CNKSR1: variants seen among roughly 807,000 people sequenced by gnomAD.
CNKSR1 encodes the protein CNK homolog protein 1.
A neutral mutation model predicts 95.6 loss-of-function variants in CNKSR1; 88 were observed. The ratio of observed to expected loss-of-function variants is 0.92; its 90% CI spans 0.78 to 1.10. The LOEUF is 1.10. Ranked by LOEUF, CNKSR1 falls within the 50% of genes least tolerant of loss-of-function variation. CNKSR1 has a pLI of 0.00. For missense variants in CNKSR1, 836 were observed against 912.0 expected, an observed-to-expected ratio of 0.92 and a Z score of 1.07; for synonymous variants, 355 against 369.7, an observed-to-expected ratio of 0.96 and a Z score of 0.46.
At chr1:26,178,056 C>G (rs1443516665) in intron 1 of CNKSR1, among the ~76,000 whole-genome samples, 4 of 152,174 alleles carry the variant, frequency 2.6e-5, no homozygotes. Flanking sequence ...GTTCCAGGAA[C>G]CGTGCTGGGC....
Position 26,185,023 on chromosome 1 carries a change from C to A in CNKSR1, c.1145C>A (p.Thr382Asn). The A allele has an allele frequency of 6.3e-7, 1 of 1,597,962 alleles. No homozygotes were observed. Among genetic ancestry groups the A allele is most frequent in the East Asian group, 2.2e-5 (1 of 44,698 alleles). Residue 382 changes from threonine (T) to asparagine (N), a missense_variant, in exon 14 of 21, where the codon ACC becomes AAC. Thr to Asn is a moderately conservative substitution (Grantham distance 65). Coordinates refer to ENST00000361530, the MANE Select transcript of CNKSR1 (RefSeq NM_006314.3). ...VGRKKSKGLA[T>N]RLSRRRVSCR... ...TGCTGTGCTGCTACAGGCCTGGCGACCCGGCTGAGCCGCCGGCGGGTGTCA... is the reference window on the plus strand; with the variant it reads ...TGCTGTGCTGCTACAGGCCTGGCGAACCGGCTGAGCCGCCGGCGGGTGTCA...
chr1:26,186,898 C>T (rs1037763007), intron 14 of CNKSR1: 5 of 445,842 alleles, frequency 1.1e-5, no homozygotes, highest in South Asian at 6.6e-5. Flanking sequence ...CCACCATGCC[C>T]GGCCTTCAGG....
At chr1:26,188,529 G>C (rs1366890373) in intron 18 of CNKSR1, 26 bp downstream of exon 18, 2 of 1,605,816 alleles carry the variant, frequency 1.2e-6, no homozygotes, top group African/African-American at 2.7e-5. Flanking sequence ...CCGGGGGTAG[G>C]AGGTGGGGAT....
intron 6 of CNKSR1, 133 bp from the exon 7 acceptor site, chr1:26,183,064 C>A: frequency 1.1e-6 from 1 of 899,368 alleles, no homozygotes; most frequent in Non-Finnish European, 1.9e-6. Context: ...TACAGCAAGT[C>A]TGGGCAGGAC....
chr1:26,189,182 G>C, intron 20 of CNKSR1, 97 bp from the exon 21 acceptor site: 2 of 1,483,868 alleles, frequency 1.3e-6, no homozygotes, highest in East Asian at 2.3e-5. Flanking sequence ...GCCAGGTGCT[G>C]GCTTCCAGGC....
intron 4 of CNKSR1, 70 bp from the exon 5 acceptor site, chr1:26,182,291 C>G: frequency 1.3e-6 from 2 of 1,511,300 alleles, no homozygotes; most frequent in Non-Finnish European, 1.8e-6. Flanking sequence ...CCCACCCTGC[C>G]CCCAGGAGAA....
At chr1:26,181,520 C>A (rs1348312298) in intron 3 of CNKSR1, 1 of 294,482 alleles carries the variant, frequency 3.4e-6, no homozygotes, top group Non-Finnish European at 6.6e-6. Flanking sequence ...ACTCTCCAAG[C>A]TATACTATTA....
At chr1:26,179,776 C>G (rs2088615440) in intron 1 of CNKSR1, among the ~76,000 whole-genome samples, 1 of 152,204 alleles carries the variant, frequency 6.6e-6, no homozygotes, top group Non-Finnish European at 1.5e-5. Context: ...TCCATAGCCT[C>G]TTGTTCTTAT....
chr1:26,182,770 T>G (rs1227612411), intron 6 of CNKSR1, among the ~76,000 whole-genome samples, 186 bp downstream of exon 6: 4 of 152,178 alleles, frequency 2.6e-5, no homozygotes. Flanking sequence ...TCCCCAGTCC[T>G]GAGGGGCCAC....
At chr1:26,188,374 G>T in intron 17 of CNKSR1, 67 bp downstream of exon 17, 1 of 1,609,074 alleles carries the variant, frequency 6.2e-7, no homozygotes, top group Non-Finnish European at 8.5e-7. Context: ...TGGGATGGGG[G>T]CTAGGAACTC....
In CNKSR1 at chr1:26,189,750, A is replaced by C; in HGVS notation, c.*202A>C. 4 of 695,056 alleles carry C rather than the reference A, an allele frequency of 5.8e-6. No homozygotes were observed. Among genetic ancestry groups the C allele is most frequent in the East Asian group, 2.7e-5 (1 of 36,816 alleles). 43.1% of individuals were successfully genotyped at this position (695,056 alleles called of 1,614,324 possible). ...GCCAAAGAAGAAACTCTCCCCCCAA[A>C]TCCTCCAACCTCTGGGGCCACAGCC... On this transcript the variant is annotated 3_prime_UTR_variant, in exon 21 of 21. Transcript: ENST00000361530.
chr1:26,185,836 A>G (rs1225324168), intron 14 of CNKSR1, among the ~76,000 whole-genome samples: 1 of 152,094 alleles, frequency 6.6e-6, no homozygotes, highest in Non-Finnish European at 1.5e-5. Context: ...TGGCCGAAAA[A>G]TCACGTCTAT....
At position 26,189,802 on chromosome 1, in the gene CNKSR1, T is replaced by TC. The variant is rs1557627214; in HGVS notation, c.*259dup. The stretch of plus-strand genomic sequence containing the variant: ...TGCCCCTCCAGTTCCTTGGCAGTTC[T>TC]CCCCCAAACCAGGTCTGTACAGGTG... On this transcript the variant is annotated 3_prime_UTR_variant, in exon 21 of 21. Transcript: ENST00000361530. The TC allele has an allele frequency of 1.4e-6, 1 of 693,076 alleles. No homozygotes were observed. The highest frequency in any genetic ancestry group is 1.8e-5 in the African/African-American group (1 of 57,042). 42.9% of individuals were successfully genotyped at this position (693,076 alleles called of 1,614,324 possible).
At chr1:26,182,196 A>T (rs1409713391) in intron 4 of CNKSR1, 165 bp from the exon 5 acceptor site, 2 of 752,554 alleles carry the variant, frequency 2.7e-6, no homozygotes, top group Non-Finnish European at 4.5e-6. Flanking sequence ...TATCAGGGAA[A>T]CGAGCCCTCT....
At chr1:26,179,679 A>G (rs561977202) in intron 1 of CNKSR1, among the ~76,000 whole-genome samples, 3 of 152,172 alleles carry the variant, frequency 2.0e-5, no homozygotes, top group Non-Finnish European at 4.4e-5. Flanking sequence ...GAAGGTAGGT[A>G]CTTTTATTAT....
Position 26,189,619 on chromosome 1 carries a change from G to A in CNKSR1, c.*71G>A. ...TCAACCCCAGCTTCTGACGTGTCCA[G>A]GACAGAGCATCCCTGGATTCTGTTC... On this transcript the variant is annotated 3_prime_UTR_variant, in exon 21 of 21. Transcript: ENST00000361530. 1 of 828,058 alleles carries A rather than the reference G, an allele frequency of 1.2e-6. No individual in the cohort carries two copies. Among genetic ancestry groups the A allele is most frequent in the Non-Finnish European group, 2.2e-6 (1 of 461,264 alleles). The allele number at this position is 828,058 out of a possible 1,614,324, so 51.3% of individuals were successfully genotyped here. A position where few individuals can be genotyped will look rare whatever the true frequency, so the allele number is the denominator to read the frequency against.
At chr1:26,183,103 C>T (rs914750144) in intron 6 of CNKSR1, 94 bp from the exon 7 acceptor site, 9 of 1,278,922 alleles carry the variant, frequency 7.0e-6, no homozygotes, top group Non-Finnish European at 1.0e-5. Flanking sequence ...TGCCACAGTT[C>T]CACCCACCAT....
In CNKSR1 at chr1:26,185,094, C is replaced by A; in HGVS notation, c.1216C>A (p.Arg406=). The change falls in exon 14 of 21, where the codon CGA becomes AGA. Residue 406 remains arginine, a synonymous_variant. Coordinates refer to ENST00000361530, the MANE Select transcript of CNKSR1 (RefSeq NM_006314.3). ...GGACTGTGACGGCTGGCTCCTGTTG[C>A]GAAAGGCACCGGGCGGCTTCATGGG... ...RPDCDGWLLL[R]KAPGGFMGPR... The A allele has an allele frequency of 6.2e-7, 1 of 1,605,064 alleles. No individual in the cohort carries two copies. The highest frequency in any genetic ancestry group is 8.5e-7 in the Non-Finnish European group (1 of 1,177,590).
At chr1:26,180,410 T>C (rs1569872137) in intron 1 of CNKSR1, 43 bp from the exon 2 acceptor site, 1 of 1,611,976 alleles carries the variant, frequency 6.2e-7, no homozygotes, top group South Asian at 1.1e-5. Context: ...CAAAAGGTCC[T>C]GACACCTCTG....
Sources: allele counts gnomAD v4.1 joint callset (sites outside exome capture counted in the v4.1 genomes callset), GRCh38; gene constraint gnomAD v4.1.1; transcripts MANE v1.5; gene names NCBI Gene and HGNC (gene_info 2026-07-23, HGNC 2026-07-21).